GRIK1: variants seen among roughly 807,000 people sequenced by gnomAD.
The protein encoded by GRIK1 is glutamate ionotropic receptor kainate type subunit 1, also known as glutamate receptor ionotropic, kainate 1.
GRIK1 carries 69 observed loss-of-function variants against 105.7 expected under a neutral mutation model. The ratio of observed to expected loss-of-function variants is 0.65; its 90% CI spans 0.54 to 0.80. The LOEUF (loss-of-function observed/expected upper bound fraction) is 0.80, where lower values mean the gene tolerates loss of function less well. Among genes scored for constraint, GRIK1 ranks in the 30% least tolerant of loss-of-function variants. GRIK1 has a pLI of 0.00. For synonymous variants in GRIK1, 438 were observed against 431.3 expected, an observed-to-expected ratio of 1.02 and a Z score of -0.19; for missense variants, 1,109 against 1,167.3, an observed-to-expected ratio of 0.95 and a Z score of 0.73.
At chr21:29,787,739 A>G (rs1351946412) in intron 1 of GRIK1, among the ~76,000 whole-genome samples, 1 of 152,240 alleles carries the variant, frequency 6.6e-6, no homozygotes, top group Admixed American at 6.5e-5. Context: ...GGTTAGGTCC[A>G]TTCCAGTGTG....
At chr21:29,848,171 T>G (rs2068186236) in intron 1 of GRIK1, among the ~76,000 whole-genome samples, 1 of 152,188 alleles carries the variant, frequency 6.6e-6, no homozygotes, top group Non-Finnish European at 1.5e-5. Flanking sequence ...GTTGCACTTT[T>G]ACCACCCTAA....
intron 7 of GRIK1, among the ~76,000 whole-genome samples, chr21:29,641,749 G>T (rs960288621): frequency 1.3e-5 from 2 of 152,098 alleles, no homozygotes; most frequent in Non-Finnish European, 2.9e-5. Context: ...TAGATTTGTA[G>T]CCTAGGTACT....
chr21:29,777,440 G>A (rs953300811), intron 1 of GRIK1, among the ~76,000 whole-genome samples: 2 of 152,186 alleles, frequency 1.3e-5, no homozygotes, highest in South Asian at 2.1e-4. Context: ...TTCCAAGGAT[G>A]TGAAAATTTT....
intron 1 of GRIK1, among the ~76,000 whole-genome samples, chr21:29,809,203 C>T (rs1044531956): frequency 6.6e-6 from 1 of 152,128 alleles, no homozygotes; most frequent in Non-Finnish European, 1.5e-5. Context: ...TGTAATCAGA[C>T]ATAATTACTT....
intron 1 of GRIK1, among the ~76,000 whole-genome samples, chr21:29,710,633 T>TAA (rs5843399): frequency 0.95 from 144,062 of 152,152 alleles, 68,537 homozygotes; most frequent in Non-Finnish European, 1. Context: ...TCTATTTCAA[T>TAA]GACTATTTTT....
intron 1 of GRIK1, among the ~76,000 whole-genome samples, chr21:29,800,976 A>G (rs2066691811): frequency 6.6e-6 from 1 of 152,126 alleles, no homozygotes; most frequent in Admixed American, 6.6e-5. Flanking sequence ...TGGTTTACAA[A>G]ACAAGGGCCA....
chr21:29,744,374 C>T (rs1481502518), intron 1 of GRIK1, among the ~76,000 whole-genome samples: 2 of 152,352 alleles, frequency 1.3e-5, no homozygotes, highest in South Asian at 2.1e-4. Context: ...CAACCAACTT[C>T]CATCAGGTGG....
intron 1 of GRIK1, among the ~76,000 whole-genome samples, chr21:29,861,955 C>G (rs2068654971): frequency 6.6e-6 from 1 of 152,102 alleles, no homozygotes; most frequent in Admixed American, 6.5e-5. Context: ...TTTGTATTGT[C>G]TTTGTCTAGG....
intron 3 of GRIK1, among the ~76,000 whole-genome samples, chr21:29,674,992 C>T (rs2063238222): frequency 6.6e-6 from 1 of 152,160 alleles, no homozygotes; most frequent in African/African-American, 2.4e-5. Context: ...TCATGAACTA[C>T]TGAGGAGCAT....
intron 1 of GRIK1, among the ~76,000 whole-genome samples, chr21:29,832,027 A>G (rs535581515): frequency 6.6e-6 from 1 of 152,350 alleles, no homozygotes; most frequent in South Asian, 2.1e-4. Context: ...GTGAGAAATC[A>G]GCTGAAACAA....
At chr21:29,642,158 G>A (rs2062523518) in intron 7 of GRIK1, among the ~76,000 whole-genome samples, 3 of 152,118 alleles carry the variant, frequency 2.0e-5, no homozygotes, top group African/African-American at 4.8e-5. Flanking sequence ...TGTACATATC[G>A]ATAAGGAGTC....
At chr21:29,765,915 G>A (rs974606965) in intron 1 of GRIK1, among the ~76,000 whole-genome samples, 3 of 151,538 alleles carry the variant, frequency 2.0e-5, no homozygotes, top group Admixed American at 6.6e-5. Context: ...GCAGTGGCGC[G>A]ATCTCGGCTC....
chr21:29,884,035 G>T (rs2146194004), intron 1 of GRIK1, among the ~76,000 whole-genome samples: 1 of 152,104 alleles, frequency 6.6e-6, no homozygotes, highest in African/African-American at 2.4e-5. Flanking sequence ...GAGGTAGACA[G>T]AAATCTTGAC....
intron 1 of GRIK1, among the ~76,000 whole-genome samples, chr21:29,705,873 CT>C (rs1325677911): frequency 0.025 from 3,386 of 135,644 alleles, 37 homozygotes; most frequent in Admixed American, 0.029. Context: ...CTTTTCTTTT[CT>C]TTTTTTTTTT....
intron 1 of GRIK1, among the ~76,000 whole-genome samples, chr21:29,781,778 C>G (rs542977513): frequency 7.2e-6 from 1 of 139,356 alleles, no homozygotes; most frequent in Non-Finnish European, 1.6e-5. Flanking sequence ...TCACGCCATT[C>G]TCCTGCCTCA....
chr21:29,689,723 C>T lies in GRIK1; in HGVS notation c.544+5G>A, dbSNP rs748699663. On this transcript the variant is annotated splice_donor_5th_base_variant and intron_variant, in intron 3 of 17. Coordinates refer to ENST00000327783, the MANE Select transcript of GRIK1 (RefSeq NM_001330994.2). Reference sequence around the variant, plus strand: ...GTCGGGTGAGGTCTTGTGTGAGTCCCATACCTGTGCTGTCTTCATACACCA... The same window carrying T: ...GTCGGGTGAGGTCTTGTGTGAGTCCTATACCTGTGCTGTCTTCATACACCA... 6.8e-6 allele frequency: 11 copies of T among 1,613,594 alleles called. No individual in the cohort carries two copies. The highest frequency in any genetic ancestry group is 9.3e-6 in the Non-Finnish European group (11 of 1,179,572).
intron 16 of GRIK1, among the ~76,000 whole-genome samples, chr21:29,550,162 T>C (rs1294501676): frequency 6.7e-6 from 1 of 148,358 alleles, no homozygotes; most frequent in Admixed American, 6.7e-5. Flanking sequence ...TACTTGAGAT[T>C]TCTCCAGGAA....
At chr21:29,737,033 T>G (rs75308648) in intron 1 of GRIK1, among the ~76,000 whole-genome samples, 2,502 of 151,910 alleles carry the variant, frequency 0.016, 29 homozygotes, top group Middle Eastern at 0.044. Flanking sequence ...AAAATGTGAG[T>G]TTTTTTTCAG....
intron 1 of GRIK1, among the ~76,000 whole-genome samples, chr21:29,897,615 G>T (rs1046056105): frequency 3.9e-5 from 6 of 152,204 alleles, no homozygotes; most frequent in African/African-American, 9.6e-5. Context: ...AGCTGCAGAA[G>T]TAATTTGAGT....
Sources: gnomAD v4.1 joint callset for allele counts (sites outside exome capture counted in the v4.1 genomes callset) on GRCh38, gnomAD v4.1.1 for gene constraint, MANE v1.5 for transcripts, NCBI Gene and HGNC (gene_info 2026-07-23, HGNC 2026-07-21) for gene names.